Variants in CPN1 observed in about 807,000 individuals in gnomAD.
CPN1 encodes carboxypeptidase N catalytic chain.
In CPN1, 37 loss-of-function variants were observed where a neutral mutation model predicts 46.4. The observed-to-expected ratio is 0.80, with a 90% CI of 0.61 to 1.05. CPN1 has a LOEUF of 1.05. Among genes scored for constraint, CPN1 ranks in the 50% least tolerant of loss-of-function variants. The pLI is 0.00. For synonymous variants in CPN1, 224 were observed against 235.4 expected (o/e 0.95, Z 0.44); for missense variants, 563 against 602.6 (o/e 0.93, Z 0.69).
chr10:100,079,368 T>C (rs1472891977), intron 1 of CPN1, among the ~76,000 whole-genome samples: 3 of 152,220 alleles, frequency 2.0e-5, no homozygotes. Context: ...ATTAAAGGAA[T>C]GAATGGGTGA....
rs753130759 is a variant in CPN1, at chr10:100,069,826, T to C, written c.464A>G (p.Asn155Ser). The C allele has an allele frequency of 6.2e-7, 1 of 1,613,966 alleles. No homozygotes were observed. The highest frequency in any genetic ancestry group is 1.1e-5 in the South Asian group (1 of 91,068). Residue 155 changes from asparagine (N) to serine (S), a missense_variant, in exon 3 of 9, where the codon AAT (asparagine) becomes AGT (serine). Coordinates refer to ENST00000370418, the MANE Select transcript of CPN1 (RefSeq NM_001308.3). ...GAAGTTGCGGTTCAGGTCCACTCCA[T>C]TTGCATTGTTCCTGCCAACTAGATA... Reference protein sequence around the residue: ...PGYLVGRNNANGVDLNRNFPD... With the variant: ...PGYLVGRNNASGVDLNRNFPD...
rs763773688 is a variant in CPN1 at position 100,048,856 on chromosome 10, G to T, written c.1132C>A (p.Arg378=). 6.2e-7 allele frequency: 1 copy of T among 1,613,300 alleles called. No homozygotes were observed. The highest frequency in any genetic ancestry group is 8.5e-7 in the Non-Finnish European group (1 of 1,179,426). The change falls in exon 8 of 9, where the codon CGG becomes AGG. Residue 378 remains arginine (R), a synonymous_variant. Coordinates refer to ENST00000370418, the MANE Select transcript of CPN1 (RefSeq NM_001308.3). The part of the protein sequence containing the change: ...VTSGDHGDYF[R]LLLPGIYTVS... Reference sequence around the variant, plus strand: ...GTGTAGATACCTGGAAGCAGCAGCCGGAAGTAATCACCATGGTCACCTGAA... The same window carrying T: ...GTGTAGATACCTGGAAGCAGCAGCCTGAAGTAATCACCATGGTCACCTGAA...
chr10:100,075,865 T>A, intron 2 of CPN1, 46 bp downstream of exon 2: 1 of 1,592,648 alleles, frequency 6.3e-7, no homozygotes, highest in Non-Finnish European at 8.6e-7. Context: ...CTTTATTTCC[T>A]AAGAAGGCCT....
At chr10:100,045,636 G>C (rs187875373) in intron 8 of CPN1, among the ~76,000 whole-genome samples, 2 of 152,288 alleles carry the variant, frequency 1.3e-5, no homozygotes, top group Admixed American at 1.3e-4. Flanking sequence ...GCCTGATATA[G>C]GTTCGAATCC....
In CPN1 at chr10:100,057,026, T is replaced by C; in HGVS notation, c.998A>G (p.Gln333Arg). The change falls in exon 6 of 9, where the codon CAG becomes CGG. Residue 333 changes from glutamine (Q) to arginine (R), a missense_variant. Coordinates refer to ENST00000370418, the MANE Select transcript of CPN1 (RefSeq NM_001308.3). The stretch of plus-strand genomic sequence containing the variant: ...ATGAGATTTTACCTGTTCCAGGAAC[T>C]GGATTAGGGCTTCCCGATTACCCAG... ...EWLGNREALI[Q>R]FLEQVHQGIK... The C allele has an allele frequency of 1.2e-6, 2 of 1,614,200 alleles. No individual in the cohort carries two copies. Among genetic ancestry groups the C allele is most frequent in the Non-Finnish European group, 1.7e-6 (2 of 1,180,026 alleles).
chr10:100,046,985 A>G (rs746672787), intron 8 of CPN1, among the ~76,000 whole-genome samples: 8 of 151,976 alleles, frequency 5.3e-5, no homozygotes, highest in Admixed American at 2.0e-4. Context: ...GAGGCAGGAG[A>G]ATTGCTTGAA....
chr10:100,053,461 A>C (rs1005919605), intron 7 of CPN1, among the ~76,000 whole-genome samples: 2 of 151,994 alleles, frequency 1.3e-5, no homozygotes, highest in Non-Finnish European at 2.9e-5. Context: ...CCATCTCTAC[A>C]AAAAACACAA....
At chr10:100,058,943 A>G (rs1480924079) in intron 5 of CPN1, among the ~76,000 whole-genome samples, 2 of 152,226 alleles carry the variant, frequency 1.3e-5, no homozygotes, top group East Asian at 1.9e-4. Context: ...GGGAAAGGAC[A>G]GTCATGTCAA....
chr10:100,075,705 A>T (rs886155816), intron 2 of CPN1, among the ~76,000 whole-genome samples: 1 of 152,210 alleles, frequency 6.6e-6, no homozygotes, highest in African/African-American at 2.4e-5. Context: ...GAGAGAGCCC[A>T]TGTTTATTGC....
intron 8 of CPN1, among the ~76,000 whole-genome samples, chr10:100,043,718 G>T (rs1225455426): frequency 5.9e-5 from 9 of 151,286 alleles, no homozygotes; most frequent in African/African-American, 2.2e-4. Flanking sequence ...GTCCAGGCTG[G>T]ACTCAAACTC....
intron 3 of CPN1, among the ~76,000 whole-genome samples, 197 bp from the exon 4 acceptor site, chr10:100,065,567 G>A (rs1349571463): frequency 6.6e-6 from 1 of 152,190 alleles, no homozygotes; most frequent in Non-Finnish European, 1.5e-5. Flanking sequence ...GGCGTGTATA[G>A]AACTTTTTTC....
chr10:100,066,924 T>C (rs1293707109), intron 3 of CPN1, among the ~76,000 whole-genome samples: 4 of 152,242 alleles, frequency 2.6e-5, no homozygotes, highest in South Asian at 2.1e-4. Flanking sequence ...CTTTTCACTG[T>C]TCCTCTTCCT....
rs188050757 is a variant in CPN1, at chr10:100,065,848, G to C, written c.577-478C>G. Among the ~76,000 whole-genome samples, 7 of 152,094 alleles carry C rather than the reference G, an allele frequency of 4.6e-5. 1 individual carries two copies. The East Asian group carries it at 1.4e-3, about 29-fold the overall frequency. On this transcript the variant is annotated intron_variant, in intron 3 of 8. Coordinates refer to ENST00000370418, the MANE Select transcript of CPN1 (RefSeq NM_001308.3). The stretch of plus-strand genomic sequence containing the variant: ...GGTGGGGTGGGTGGAGTGGGGTGGG[G>C]AGTATATGAGAACTCTGTACTTTTT...
At chr10:100,069,637 A>T in intron 3 of CPN1, 77 bp downstream of exon 3, 1 of 1,559,944 alleles carries the variant, frequency 6.4e-7, no homozygotes, top group East Asian at 2.2e-5. Context: ...AGTTGATGTA[A>T]AGATGGCTTA....
At chr10:100,068,786 G>A (rs551850902) in intron 3 of CPN1, among the ~76,000 whole-genome samples, 23 of 152,164 alleles carry the variant, frequency 1.5e-4, no homozygotes, top group South Asian at 1.0e-3. Context: ...CAATCCTCCC[G>A]TCTCAGCTTC....
At chr10:100,062,700 C>G (rs2041427637) in intron 5 of CPN1, among the ~76,000 whole-genome samples, 1 of 150,282 alleles carries the variant, frequency 6.7e-6, no homozygotes, top group Admixed American at 6.6e-5. Context: ...CTCAGGTGAT[C>G]CTCCCACCTC....
intron 1 of CPN1, 42 bp downstream of exon 1, chr10:100,081,361 A>C: frequency 6.4e-7 from 1 of 1,560,312 alleles, no homozygotes; most frequent in Non-Finnish European, 8.8e-7. Context: ...TGCAAGGGAA[A>C]GGCCCTGCCC....
At chr10:100,079,818 C>T (rs759538619) in intron 1 of CPN1, among the ~76,000 whole-genome samples, 15 of 152,218 alleles carry the variant, frequency 9.9e-5, no homozygotes, top group Non-Finnish European at 1.8e-4. Context: ...GGCACGGTGG[C>T]TCACGCCTGT....
At chr10:100,050,892 A>G (rs1233212411) in intron 7 of CPN1, among the ~76,000 whole-genome samples, 2 of 152,216 alleles carry the variant, frequency 1.3e-5, no homozygotes, top group Non-Finnish European at 2.9e-5. Flanking sequence ...TCAGCCTCCC[A>G]AAGTGCTGGG....
Sources: gnomAD v4.1 joint callset for allele counts (sites outside exome capture counted in the v4.1 genomes callset) on GRCh38, gnomAD v4.1.1 for gene constraint, MANE v1.5 for transcripts, NCBI Gene and HGNC (gene_info 2026-07-23, HGNC 2026-07-21) for gene names.